Variants in RPS6KA2 observed in about 807,000 individuals in gnomAD.
The protein encoded by RPS6KA2 is ribosomal protein S6 kinase alpha-2.
A neutral mutation model predicts 91.8 loss-of-function variants in RPS6KA2; 42 were observed. That is an observed-to-expected ratio of 0.46 (90% CI 0.36 to 0.59). RPS6KA2 has a LOEUF of 0.59. Among genes scored for constraint, RPS6KA2 ranks in the 20% least tolerant of loss-of-function variants. RPS6KA2 has a pLI of 0.00. For missense variants in RPS6KA2, 798 were observed against 978.5 expected (o/e 0.82, Z 2.46); for synonymous variants, 414 against 393.6 (o/e 1.05, Z -0.61).
chr6:166,709,714 T>C (rs68131305), intron 2 of RPS6KA2, among the ~76,000 whole-genome samples: 28,591 of 152,172 alleles, frequency 0.19, 2,871 homozygotes, highest in African/African-American at 0.24. Context: ...CAGTTAGTTG[T>C]ATTTCCTCTT....
In RPS6KA2 at chr6:166,451,155, T is replaced by C; in HGVS notation, c.1154A>G (p.Gln385Arg). ...GFSFVASSLIQEPSQQDLHKV... is the reference protein window; with the variant it reads ...GFSFVASSLIREPSQQDLHKV... The stretch of plus-strand genomic sequence containing the variant: ...GTGCAGATCTTGCTGTGAGGGCTCC[T>C]GGATCAGGCTTGAGGCCACAAAGCT... The change falls in exon 13 of 21, where the codon CAG becomes CGG. Residue 385 changes from glutamine (Q) to arginine (R), a missense_variant. Transcript: ENST00000265678. The C allele has an allele frequency of 1.2e-6, 2 of 1,614,032 alleles. No individual in the cohort carries two copies. The highest frequency in any genetic ancestry group is 1.1e-5 in the South Asian group (1 of 91,082).
At chr6:166,450,387 CCACCACAGGAGAT>C (rs1487877755) in intron 13 of RPS6KA2, among the ~76,000 whole-genome samples, 6 of 140,896 alleles carry the variant, frequency 4.3e-5, no homozygotes, top group African/African-American at 1.3e-4. Flanking sequence ...ACGACAGGGA[CCACCACAGGAGAT>C]CACCACAGGG....
chr6:166,718,947 T>G (rs1790096570), intron 2 of RPS6KA2, among the ~76,000 whole-genome samples: 1 of 152,198 alleles, frequency 6.6e-6, no homozygotes, highest in Non-Finnish European at 1.5e-5. Flanking sequence ...CAGGCATATA[T>G]GAGTAAGGAT....
At chr6:166,471,044 G>A (rs1780747850) in intron 10 of RPS6KA2, among the ~76,000 whole-genome samples, 1 of 152,122 alleles carries the variant, frequency 6.6e-6, no homozygotes, top group Non-Finnish European at 1.5e-5. Flanking sequence ...TCTGATCCCT[G>A]GGGCCCGGCT....
intron 2 of RPS6KA2, among the ~76,000 whole-genome samples, chr6:166,853,467 A>G (rs1252460578): frequency 2.6e-5 from 4 of 152,210 alleles, no homozygotes; most frequent in Non-Finnish European, 2.9e-5. Flanking sequence ...GTGCCGTGGA[A>G]GTGGACAGGT....
At chr6:166,544,283 A>T (rs1467582003) in intron 1 of RPS6KA2, among the ~76,000 whole-genome samples, 2 of 152,234 alleles carry the variant, frequency 1.3e-5, no homozygotes, top group African/African-American at 4.8e-5. Flanking sequence ...GAGAAGATTC[A>T]CTAAATGGCT....
At chr6:166,636,445 T>C (rs1787244268) in intron 2 of RPS6KA2, among the ~76,000 whole-genome samples, 1 of 152,066 alleles carries the variant, frequency 6.6e-6, no homozygotes, top group East Asian at 1.9e-4. Flanking sequence ...CTCTCTCCAC[T>C]ACTCTCTAGA....
chr6:166,633,174 C>T (rs1460577185), intron 2 of RPS6KA2, among the ~76,000 whole-genome samples: 2 of 152,196 alleles, frequency 1.3e-5, no homozygotes, highest in Non-Finnish European at 2.9e-5. Context: ...GAGCTGAGAT[C>T]GTGCCACTGC....
chr6:166,453,006 T>G (rs755243699), intron 12 of RPS6KA2, among the ~76,000 whole-genome samples: 7 of 152,034 alleles, frequency 4.6e-5, no homozygotes, highest in Non-Finnish European at 8.8e-5. Context: ...GAGACCAGTC[T>G]GGCCAACATA....
rs116537745 is a variant in RPS6KA2, at chr6:166,812,474, G to A, written c.123+45726C>T. 6.8e-3 allele frequency among the ~76,000 whole-genome samples: 1,028 copies of A among 152,266 alleles called. 16 individuals carry two copies. The highest frequency in any genetic ancestry group is 0.024 in the African/African-American group (985 of 41,546). On this transcript the variant is annotated intron_variant, in intron 2 of 21. Transcript: ENST00000503859. ...TCTCAGCTTAAATGTCACCTCCCAAGAGAGGCCTTCCCAGGGGCTGAGTGT... is the reference window on the plus strand; with the variant it reads ...TCTCAGCTTAAATGTCACCTCCCAAAAGAGGCCTTCCCAGGGGCTGAGTGT...
At chr6:166,824,452 C>T (rs1431376136) in intron 2 of RPS6KA2, among the ~76,000 whole-genome samples, 4 of 152,206 alleles carry the variant, frequency 2.6e-5, no homozygotes, top group Non-Finnish European at 5.9e-5. Flanking sequence ...CCCAACTTCT[C>T]TGTGGCAGTT....
rs113312701 is a variant in RPS6KA2 at position 166,437,766 on chromosome 6, C to T, written c.1333-5276G>A. On this transcript the variant is annotated intron_variant, in intron 14 of 20. Transcript: ENST00000265678. The surrounding 1 kb of genome is among the most constrained non-coding windows in gnomAD (Gnocchi z 4.3). Reference sequence around the variant, plus strand: ...CATGTGCCAAACAAACACTGCCATTCCTGCTGGCCGAAGGCGACAACAGGA... The same window carrying T: ...CATGTGCCAAACAAACACTGCCATTTCTGCTGGCCGAAGGCGACAACAGGA... 0.036 allele frequency among the ~76,000 whole-genome samples: 5,437 copies of T among 152,262 alleles called. 146 individuals are homozygous for T. The highest frequency in any genetic ancestry group is 0.074 in the African/African-American group (3,064 of 41,540).
intron 2 of RPS6KA2, among the ~76,000 whole-genome samples, chr6:166,710,747 A>T (rs1308685712): frequency 6.6e-6 from 1 of 152,168 alleles, no homozygotes; most frequent in Non-Finnish European, 1.5e-5. Flanking sequence ...AGAAGAAGTC[A>T]GGATAGCTAA....
intron 8 of RPS6KA2, among the ~76,000 whole-genome samples, chr6:166,492,620 G>A (rs1781631764): frequency 6.6e-6 from 1 of 152,010 alleles, no homozygotes; most frequent in South Asian, 2.1e-4. Flanking sequence ...TTTAATCCTT[G>A]TTACACAAAT....
intron 2 of RPS6KA2, among the ~76,000 whole-genome samples, chr6:166,647,807 T>C (rs1415047206): frequency 1.7e-4 from 19 of 109,118 alleles, no homozygotes; most frequent in South Asian, 9.2e-4. Context: ...CACACATACA[T>C]ACACACATGC....
At chr6:166,669,356 G>C (rs1275720773) in intron 2 of RPS6KA2, among the ~76,000 whole-genome samples, 1 of 152,170 alleles carries the variant, frequency 6.6e-6, no homozygotes, top group African/African-American at 2.4e-5. Flanking sequence ...CAGCCCATCT[G>C]CTCCCCCAGG....
At chr6:166,444,899 A>G (rs1222709998) in intron 14 of RPS6KA2, among the ~76,000 whole-genome samples, 1 of 152,256 alleles carries the variant, frequency 6.6e-6, no homozygotes. Flanking sequence ...CAGAGTACCC[A>G]GCATATAGCA....
At chr6:166,760,696 T>C (rs997621567) in intron 2 of RPS6KA2, among the ~76,000 whole-genome samples, 2 of 152,220 alleles carry the variant, frequency 1.3e-5, no homozygotes, top group Non-Finnish European at 1.5e-5. Flanking sequence ...CCTCTTCCCA[T>C]TTCCAACCTG....
At chr6:166,723,223 C>T (rs1022098274) in intron 2 of RPS6KA2, among the ~76,000 whole-genome samples, 11 of 152,226 alleles carry the variant, frequency 7.2e-5, no homozygotes, top group African/African-American at 2.4e-4. Flanking sequence ...TGGCTCAGTG[C>T]CCAGCCTCTT....
Sources: allele counts gnomAD v4.1 joint callset (sites outside exome capture counted in the v4.1 genomes callset), GRCh38; gene constraint gnomAD v4.1.1; non-coding constraint Gnocchi (gnomAD v3.1); transcripts MANE v1.5; gene names NCBI Gene and HGNC (gene_info 2026-07-23, HGNC 2026-07-21).